UNC13C: variants seen among roughly 807,000 people sequenced by gnomAD.
The protein encoded by UNC13C is unc-13 homolog C.
A neutral mutation model predicts 245.4 loss-of-function variants in UNC13C; 174 were observed. That is an observed-to-expected ratio of 0.71 (90% CI 0.63 to 0.80). The LOEUF (loss-of-function observed/expected upper bound fraction) is 0.80, where lower values mean the gene tolerates loss of function less well. UNC13C is among the 30% of genes least tolerant of loss of function. The probability of loss-of-function intolerance (pLI) is 0.00; values close to 1 mark genes in which losing one functional copy is unlikely to be tolerated. For synonymous variants in UNC13C, 992 were observed against 895.1 expected (o/e 1.11, Z -1.93); for missense variants, 2,829 against 2,602.9 (o/e 1.09, Z -1.89).
intron 19 of UNC13C, among the ~76,000 whole-genome samples, chr15:54,454,824 T>C (rs550956846): frequency 6.6e-6 from 1 of 151,860 alleles, no homozygotes; most frequent in Admixed American, 6.6e-5. Flanking sequence ...ATTCATTCAT[T>C]CATTCATTCA....
intron 18 of UNC13C, among the ~76,000 whole-genome samples, chr15:54,407,800 A>G (rs990090535): frequency 2.6e-5 from 4 of 152,186 alleles, no homozygotes; most frequent in African/African-American, 9.6e-5. Flanking sequence ...CCAATAATTT[A>G]AACTGTAAAT....
intron 4 of UNC13C, among the ~76,000 whole-genome samples, chr15:54,187,844 C>T (rs1386052030): frequency 6.6e-6 from 1 of 152,012 alleles, no homozygotes; most frequent in Non-Finnish European, 1.5e-5. Flanking sequence ...GAGTTTTGCT[C>T]TGTTGCCCAG....
chr15:54,199,845 A>G (rs975422316), intron 4 of UNC13C, among the ~76,000 whole-genome samples: 16 of 152,148 alleles, frequency 1.1e-4, no homozygotes, highest in Admixed American at 1.0e-3. Flanking sequence ...ACACATCTCA[A>G]TAGTAACATT....
At chr15:54,577,299 G>C (rs1897997483) in intron 30 of UNC13C, among the ~76,000 whole-genome samples, 2 of 152,178 alleles carry the variant, frequency 1.3e-5, no homozygotes, top group Admixed American at 1.3e-4. Flanking sequence ...ATGCCACTGT[G>C]CACAGTTTAG....
At chr15:54,056,871 G>A (rs1414373123) in intron 2 of UNC13C, among the ~76,000 whole-genome samples, 2 of 152,134 alleles carry the variant, frequency 1.3e-5, no homozygotes, top group Non-Finnish European at 2.9e-5. Flanking sequence ...AGCTTCATAA[G>A]TGAAGGAGAA....
intron 30 of UNC13C, among the ~76,000 whole-genome samples, chr15:54,586,528 C>T (rs1429049939): frequency 6.6e-6 from 1 of 152,214 alleles, no homozygotes; most frequent in East Asian, 1.9e-4. Context: ...GGAGCCCCAT[C>T]CTTGTCACCT....
chr15:54,167,261 G>A (rs1034238378), intron 4 of UNC13C, among the ~76,000 whole-genome samples: 1 of 152,074 alleles, frequency 6.6e-6, no homozygotes, highest in Non-Finnish European at 1.5e-5. Context: ...CCAGCACGTT[G>A]GGAGGCCGAG....
intron 23 of UNC13C, 150 bp from the exon 24 acceptor site, chr15:54,511,603 A>G: frequency 3.4e-6 from 2 of 581,312 alleles, no homozygotes; most frequent in Admixed American, 3.6e-5. Flanking sequence ...TAACTGTTAC[A>G]AACTATAATG....
At chr15:53,885,756 A>C in the UNC13C span, among the ~76,000 whole-genome samples, 1 of 152,180 alleles carries the variant, frequency 6.6e-6, no homozygotes, top group Non-Finnish European at 1.5e-5. Context: ...AAATAAATGT[A>C]CCATAAATGT....
chr15:54,418,289 C>T (rs2040562902), intron 19 of UNC13C, among the ~76,000 whole-genome samples: 1 of 152,138 alleles, frequency 6.6e-6, no homozygotes, highest in African/African-American at 2.4e-5. Flanking sequence ...AGCCATCAAA[C>T]AGATTTCACA....
intron 17 of UNC13C, among the ~76,000 whole-genome samples, chr15:54,369,380 A>G (rs1007922716): frequency 8.5e-5 from 13 of 152,168 alleles, no homozygotes; most frequent in Non-Finnish European, 1.9e-4. Context: ...GCAATCCAGC[A>G]TAACAGCCAC....
At position 54,250,333 on chromosome 15, in the gene UNC13C, G is replaced by A. The variant is rs1430422227; in HGVS notation, c.3337G>A (p.Glu1113Lys). Residue 1113 changes from glutamate to lysine, a missense_variant, in exon 8 of 33, where the codon GAG becomes AAG. Glu to Lys is a moderately conservative substitution (Grantham distance 56). Coordinates refer to ENST00000260323, the MANE Select transcript of UNC13C (RefSeq NM_001080534.3). The stretch of plus-strand genomic sequence containing the variant: ...GGCTACCACACCCACCTACTGTTAT[G>A]AGTGTGAAGGGCTCCTGTGGGGCAT... The part of the protein sequence containing the change: ...WTATTPTYCY[E>K]CEGLLWGIAR... 3.1e-6 allele frequency: 5 copies of A among 1,613,912 alleles called. No homozygotes were observed. The South Asian group carries it at 5.5e-5, about 18-fold the overall frequency.
chr15:54,551,150 G>C (rs1391081744), intron 28 of UNC13C, among the ~76,000 whole-genome samples: 3 of 152,090 alleles, frequency 2.0e-5, no homozygotes, highest in Admixed American at 2.0e-4. Flanking sequence ...ACAGGACCCA[G>C]ATACTCACTG....
chr15:54,320,530 T>C (rs148820219), intron 13 of UNC13C, among the ~76,000 whole-genome samples: 7 of 152,142 alleles, frequency 4.6e-5, no homozygotes, highest in Admixed American at 1.3e-4. Flanking sequence ...TAACGTGTTA[T>C]ACAATTGGTC....
chr15:54,397,826 C>T (rs1007649418), intron 18 of UNC13C, among the ~76,000 whole-genome samples: 4 of 151,192 alleles, frequency 2.6e-5, no homozygotes, highest in East Asian at 1.9e-4. Context: ...AAATATATAT[C>T]TTCAGCCTTT....
At chr15:54,135,549 A>G (rs563790341) in intron 2 of UNC13C, among the ~76,000 whole-genome samples, 130 of 152,332 alleles carry the variant, frequency 8.5e-4, no homozygotes, top group African/African-American at 3.1e-3. Flanking sequence ...CCATTTATTG[A>G]AGAGACAGTC....
In UNC13C at chr15:54,278,412, T is replaced by C. The variant is rs533182748; in HGVS notation, c.3818+12916T>C. Among the ~76,000 whole-genome samples the C allele has an allele frequency of 6.6e-5, 10 of 152,230 alleles. No homozygotes were observed. In the East Asian group the frequency reaches 1.9e-3, roughly 29 times the overall value. On this transcript the variant is annotated intron_variant, in intron 10 of 32. Transcript: ENST00000260323. ...AATCCCCTATCTGGCGAGAGAGGAA[T>C]TGGGAAGTTCCCTGAGGAATGGCTG...
At chr15:54,625,105 G>A (rs1278555230) in intron 32 of UNC13C, among the ~76,000 whole-genome samples, 2 of 152,082 alleles carry the variant, frequency 1.3e-5, no homozygotes, top group South Asian at 2.1e-4. Context: ...ATACTTGAAT[G>A]TATACTTACT....
the UNC13C span, among the ~76,000 whole-genome samples, chr15:53,865,182 A>G: frequency 6.6e-6 from 1 of 152,242 alleles, no homozygotes; most frequent in Admixed American, 6.5e-5. Context: ...TAAGAATATC[A>G]ACAGTGCAGG....
Sources: allele counts gnomAD v4.1 joint callset (sites outside exome capture counted in the v4.1 genomes callset), GRCh38; gene constraint gnomAD v4.1.1; transcripts MANE v1.5; gene names NCBI Gene and HGNC (gene_info 2026-07-23, HGNC 2026-07-21).